Variants in POTEJ observed in about 807,000 individuals in gnomAD.
The protein encoded by POTEJ is POTE ankyrin domain family member J.
Under a neutral mutation model 69.0 loss-of-function variants are expected in POTEJ, and 11 were observed. The ratio of observed to expected loss-of-function variants is 0.16; its 90% CI spans 0.10 to 0.26. The LOEUF is 0.26. Ranked by LOEUF, POTEJ falls within the 10% of genes least tolerant of loss-of-function variation. The pLI is 1.00. For missense variants in POTEJ, 327 were observed against 1,045.5 expected (o/e 0.31, Z 9.48); for synonymous variants, 117 against 381.1 (o/e 0.31, Z 8.07).
chr2:130,647,013 G>A (rs1210221240), intron 13 of POTEJ, among the ~76,000 whole-genome samples: 1 of 150,202 alleles, frequency 6.7e-6, no homozygotes, highest in Admixed American at 6.5e-5. Flanking sequence ...TATGTTATAT[G>A]TATACTTATG....
chr2:130,625,299 A>G (rs1350641731), intron 6 of POTEJ, among the ~76,000 whole-genome samples: 1 of 152,044 alleles, frequency 6.6e-6, no homozygotes, highest in Non-Finnish European at 1.5e-5. Context: ...TTAACATATA[A>G]CTATCAAATG....
chr2:130,625,244 G>T (rs1232387705), intron 6 of POTEJ, among the ~76,000 whole-genome samples: 1 of 152,158 alleles, frequency 6.6e-6, no homozygotes, highest in Non-Finnish European at 1.5e-5. Context: ...TTTTTCAACA[G>T]AATTTACAAA....
At chr2:130,655,661 A>G (rs1686960581) in intron 14 of POTEJ, among the ~76,000 whole-genome samples, 1 of 151,994 alleles carries the variant, frequency 6.6e-6, no homozygotes, top group African/African-American at 2.4e-5. Context: ...TAAAGAGGAA[A>G]TAAAAGTTAC....
At chr2:130,626,722 G>A (rs1258921218) in intron 6 of POTEJ, among the ~76,000 whole-genome samples, 2 of 152,182 alleles carry the variant, frequency 1.3e-5, no homozygotes, top group African/African-American at 4.8e-5. Flanking sequence ...TAGTTTCCTT[G>A]TCATACATCC....
intron 6 of POTEJ, among the ~76,000 whole-genome samples, chr2:130,624,754 C>A (rs1269788961): frequency 2.0e-5 from 3 of 151,996 alleles, no homozygotes; most frequent in Non-Finnish European, 2.9e-5. Context: ...CAAAAGAACA[C>A]TGAAGCACAA....
At chr2:130,641,254 T>G (rs1357891243) in intron 10 of POTEJ, among the ~76,000 whole-genome samples, 2 of 152,166 alleles carry the variant, frequency 1.3e-5, no homozygotes, top group Non-Finnish European at 2.9e-5. Context: ...GTTTTTGCAG[T>G]AGTCAGCTAT....
At chr2:130,623,785 A>C (rs1409632564) in intron 5 of POTEJ, among the ~76,000 whole-genome samples, 1 of 137,654 alleles carries the variant, frequency 7.3e-6, no homozygotes, top group Non-Finnish European at 1.5e-5. Flanking sequence ...GCTAGGACTT[A>C]TGCAGAGTTG....
intron 13 of POTEJ, among the ~76,000 whole-genome samples, chr2:130,649,414 G>C (rs568209733): frequency 1.3e-5 from 2 of 152,338 alleles, no homozygotes; most frequent in East Asian, 3.9e-4. Flanking sequence ...AATCTTGTCA[G>C]GTCTATCTGA....
intron 6 of POTEJ, among the ~76,000 whole-genome samples, chr2:130,624,638 A>C (rs1379431852): frequency 2.5e-3 from 373 of 151,684 alleles, no homozygotes; most frequent in Non-Finnish European, 4.0e-3. Context: ...GGTGTGGTTC[A>C]TAATAGTCCA....
At chr2:130,615,676 A>G (rs1685387377) in intron 1 of POTEJ, among the ~76,000 whole-genome samples, 1 of 147,514 alleles carries the variant, frequency 6.8e-6, no homozygotes, top group East Asian at 1.9e-4. Flanking sequence ...CACCTGGGTA[A>G]TGAAATAATC....
intron 1 of POTEJ, among the ~76,000 whole-genome samples, chr2:130,613,345 T>TAC (rs1558915627): frequency 8.7e-4 from 115 of 131,866 alleles, no homozygotes; most frequent in Non-Finnish European, 1.5e-3. Context: ...TACATATATA[T>TAC]GTGTGTGTAT....
chr2:130,647,152 G>T (rs1345257811), intron 13 of POTEJ, among the ~76,000 whole-genome samples: 1 of 150,838 alleles, frequency 6.6e-6, no homozygotes, highest in Admixed American at 6.5e-5. Flanking sequence ...AAAAAAATGA[G>T]GTTAGATGTA....
intron 10 of POTEJ, among the ~76,000 whole-genome samples, chr2:130,642,755 G>A (rs62164952): frequency 0.071 from 5,948 of 84,170 alleles, no homozygotes; most frequent in Admixed American, 0.11. Flanking sequence ...GCATTACTGA[G>A]CTGCTGGCAA....
intron 6 of POTEJ, among the ~76,000 whole-genome samples, chr2:130,626,529 G>A (rs1685711875): frequency 1.3e-5 from 2 of 151,746 alleles, no homozygotes; most frequent in Admixed American, 1.3e-4. Context: ...CTGTTGTAGT[G>A]TGAAAGCCAC....
At chr2:130,626,698 G>T (rs1685720026) in intron 6 of POTEJ, among the ~76,000 whole-genome samples, 1 of 152,184 alleles carries the variant, frequency 6.6e-6, no homozygotes, top group African/African-American at 2.4e-5. Flanking sequence ...GGAAGTTTTT[G>T]CAGTAGTCAG....
chr2:130,640,495 T>C (rs1446093896), intron 10 of POTEJ, among the ~76,000 whole-genome samples: 1 of 151,710 alleles, frequency 6.6e-6, no homozygotes, highest in Non-Finnish European at 1.5e-5. Context: ...TGTTTTTTTA[T>C]TCATTGATAT....
At chr2:130,638,956 G>A (rs1347983792) in intron 10 of POTEJ, among the ~76,000 whole-genome samples, 1,005 of 151,656 alleles carry the variant, frequency 6.6e-3, no homozygotes, top group African/African-American at 0.024. Context: ...CCCTTCTGGG[G>A]GCAAAGTGAG....
intron 4 of POTEJ, among the ~76,000 whole-genome samples, chr2:130,620,932 G>GA (rs1685528086): frequency 1.1e-5 from 1 of 91,894 alleles, no homozygotes; most frequent in Non-Finnish European, 2.1e-5. Context: ...TGAAAAGTAG[G>GA]AGAATATATC....
chr2:130,618,099 G>A (rs2105198782), intron 3 of POTEJ, among the ~76,000 whole-genome samples: 1 of 152,174 alleles, frequency 6.6e-6, no homozygotes, highest in Non-Finnish European at 1.5e-5. Flanking sequence ...TTCAAATCTA[G>A]AGTGTCTGGA....
Sources: gnomAD v4.1 joint callset for allele counts (sites outside exome capture counted in the v4.1 genomes callset) on GRCh38, gnomAD v4.1.1 for gene constraint, MANE v1.5 for transcripts, NCBI Gene and HGNC (gene_info 2026-07-23, HGNC 2026-07-21) for gene names.